OPRD1: variants seen among roughly 807,000 people sequenced by gnomAD.
OPRD1 encodes opioid receptor delta 1.
A neutral mutation model predicts 17.5 loss-of-function variants in OPRD1; 19 were observed. That is an observed-to-expected ratio of 1.09 (90% CI 0.76 to 1.60). The LOEUF is 1.60. OPRD1 is among the 40% of genes most tolerant of loss of function. The pLI, the probability that OPRD1 is intolerant of heterozygous loss-of-function variation, is 0.00. For missense variants in OPRD1, 483 were observed against 547.2 expected (o/e 0.88, Z 1.17); for synonymous variants, 256 against 240.9 (o/e 1.06, Z -0.58).
intron 1 of OPRD1, among the ~76,000 whole-genome samples, chr1:28,828,387 G>A (rs1223029091): frequency 1.3e-5 from 2 of 152,148 alleles, no homozygotes; most frequent in Non-Finnish European, 2.9e-5. Flanking sequence ...GTAAACAGAT[G>A]TGCTGTCATC....
chr1:28,864,757 C>A lies in OPRD1; in HGVS notation c.*1474C>A, dbSNP rs919098738. 1 of 108,504 alleles carries A rather than the reference C, an allele frequency of 9.2e-6. No individual in the cohort carries two copies. Among genetic ancestry groups the A allele is most frequent in the South Asian group, 3.0e-4 (1 of 3,342 alleles). The allele number at this position is 108,504 out of a possible 1,614,324, so 6.7% of individuals were successfully genotyped here. On this transcript the variant is annotated 3_prime_UTR_variant, in exon 3 of 3. Transcript: ENST00000234961. ...AAGTGGTGCCTGGGACTCTTGAGGG[C>A]GGGGGGCGGGGTATGAGAAGCATCA...
chr1:28,822,508 T>G (rs1400408385), intron 1 of OPRD1, among the ~76,000 whole-genome samples: 1 of 151,866 alleles, frequency 6.6e-6, no homozygotes, highest in Non-Finnish European at 1.5e-5. Flanking sequence ...TTAGACGGAG[T>G]CTCATTCTGT....
intron 2 of OPRD1, among the ~76,000 whole-genome samples, chr1:28,861,914 T>TTTC (rs2089125950): frequency 7.5e-6 from 1 of 133,798 alleles, no homozygotes. Flanking sequence ...TTTTCTTTTC[T>TTTC]TTTTTTTTTT....
In OPRD1 at chr1:28,862,772, C is replaced by G; in HGVS notation, c.608C>G (p.Pro203Arg). Residue 203 changes from proline to arginine, a missense_variant, in exon 3 of 3, where the codon CCC (proline) becomes CGC (arginine). By Grantham distance (103) the Pro-to-Arg change is moderately radical (BLOSUM62 -2). Coordinates refer to ENST00000234961, the MANE Select transcript of OPRD1 (RefSeq NM_000911.4). ...GCAGTGGTGTGCATGCTCCAGTTCC[C>G]CAGCCCCAGCTGGTACTGGGACACG... ...DGAVVCMLQF[P>R]SPSWYWDTVT... The G allele has an allele frequency of 6.2e-7, 1 of 1,612,392 alleles. No homozygotes were observed. Among genetic ancestry groups the G allele is most frequent in the East Asian group, 2.2e-5 (1 of 44,880 alleles).
intron 1 of OPRD1, among the ~76,000 whole-genome samples, chr1:28,835,349 G>T (rs1428144913): frequency 6.6e-6 from 1 of 152,194 alleles, no homozygotes; most frequent in Admixed American, 6.5e-5. Context: ...GTGTGACCTG[G>T]CTGGCCTCCC....
At chr1:28,838,033 C>G (rs1394150327) in intron 1 of OPRD1, among the ~76,000 whole-genome samples, 1 of 151,610 alleles carries the variant, frequency 6.6e-6, no homozygotes, top group Non-Finnish European at 1.5e-5. Flanking sequence ...GCAGCAATTT[C>G]ATAGGGTTTT....
At chr1:28,846,837 CTTTCTTTCT>C (rs747345956) in intron 1 of OPRD1, among the ~76,000 whole-genome samples, 2,420 of 74,298 alleles carry the variant, frequency 0.033, 50 homozygotes, top group Admixed American at 0.062. Context: ...TTCTTTCTTT[CTTTCTTTCT>C]TTTCTTTCTT....
chr1:28,852,837 G>A (rs1192691682), intron 1 of OPRD1, among the ~76,000 whole-genome samples: 2 of 151,908 alleles, frequency 1.3e-5, no homozygotes, highest in Non-Finnish European at 2.9e-5. Flanking sequence ...TCCTGCCTTG[G>A]CCTCCCGAGT....
At chr1:28,846,339 C>T (rs513269) in intron 1 of OPRD1, among the ~76,000 whole-genome samples, 64,342 of 151,864 alleles carry the variant, frequency 0.42, 15,341 homozygotes, top group East Asian at 0.87. Flanking sequence ...GACAGAAGCC[C>T]AAGATCAAGC....
intron 1 of OPRD1, among the ~76,000 whole-genome samples, chr1:28,827,711 C>T (rs900810656): frequency 6.6e-6 from 1 of 151,886 alleles, no homozygotes; most frequent in East Asian, 1.9e-4. Flanking sequence ...TTCTTTAAAA[C>T]TCCTGTCAAT....
At position 28,829,831 on chromosome 1, in the gene OPRD1, T is replaced by C. The variant is rs185840221; in HGVS notation, c.227+17221T>C. On this transcript the variant is annotated intron_variant, in intron 1 of 2. Coordinates refer to ENST00000234961, the MANE Select transcript of OPRD1 (RefSeq NM_000911.4). ...TTCAAGTGATCCTCTTTCCTCAGCC[T>C]CCGAAGTAGCTGGAACTACAGGTGC... Among the ~76,000 whole-genome samples the C allele has an allele frequency of 3.3e-5, 5 of 152,290 alleles. No individual in the cohort carries two copies. In the East Asian group the frequency reaches 9.6e-4, roughly 29 times the overall value.
chr1:28,836,244 G>A (rs752642050), intron 1 of OPRD1, among the ~76,000 whole-genome samples: 2 of 152,108 alleles, frequency 1.3e-5, no homozygotes, highest in Non-Finnish European at 2.9e-5. Flanking sequence ...AGCCAGGCGC[G>A]GTGGCTCACG....
rs1192676132 is a variant in OPRD1, at chr1:28,863,269, G to T, written c.1105G>T (p.Gly369Cys). Residue 369 changes from glycine to cysteine, a missense_variant, in exon 3 of 3, where the codon GGC becomes TGC. By Grantham distance (159) the Gly-to-Cys change is radical. Coordinates refer to ENST00000234961, the MANE Select transcript of OPRD1 (RefSeq NM_000911.4). ...ACTPSDGPGG[G>C]AAA Reference sequence around the variant, plus strand: ...CACCCCGTCCGATGGTCCCGGCGGTGGCGCTGCCGCCTGACCAGGCCATCC... The same window carrying T: ...CACCCCGTCCGATGGTCCCGGCGGTTGCGCTGCCGCCTGACCAGGCCATCC... The T allele has an allele frequency of 3.4e-6, 5 of 1,459,526 alleles. No individual in the cohort carries two copies. Among genetic ancestry groups the T allele is most frequent in the Non-Finnish European group, 4.5e-6 (5 of 1,117,058 alleles). 90.4% of individuals were successfully genotyped at this position (1,459,526 alleles called of 1,614,324 possible).
Position 28,869,374 on chromosome 1 carries a change from T to C in OPRD1, c.*6091T>C, listed in dbSNP as rs2089199187. 6.6e-6 allele frequency: 1 copy of C among 152,316 alleles called. No homozygotes were observed. Among genetic ancestry groups the C allele is most frequent in the Non-Finnish European group, 1.5e-5 (1 of 68,096 alleles). The allele number at this position is 152,316 out of a possible 1,614,324, so 9.4% of individuals were successfully genotyped here. A position where few individuals can be genotyped will look rare whatever the true frequency, so the allele number is the denominator to read the frequency against. ...GTGGACGTAGTGATGCAGTAGGGCATGGCACTGCGAGGTTGCCCGGGTTCT... is the reference window on the plus strand; with the variant it reads ...GTGGACGTAGTGATGCAGTAGGGCACGGCACTGCGAGGTTGCCCGGGTTCT... On this transcript the variant is annotated 3_prime_UTR_variant, in exon 3 of 3. Coordinates refer to ENST00000234961, the MANE Select transcript of OPRD1 (RefSeq NM_000911.4).
chr1:28,848,830 G>C (rs150392785), intron 1 of OPRD1, among the ~76,000 whole-genome samples: 6 of 152,278 alleles, frequency 3.9e-5, no homozygotes, highest in African/African-American at 1.2e-4. Flanking sequence ...CCTTCTCTAA[G>C]AGATGTCAAT....
chr1:28,834,599 C>T (rs1490616374), intron 1 of OPRD1, among the ~76,000 whole-genome samples: 2 of 151,314 alleles, frequency 1.3e-5, no homozygotes, highest in Non-Finnish European at 2.9e-5. Flanking sequence ...AGGCTGGTCT[C>T]GAACTCTTGA....
At chr1:28,823,190 CTT>C (rs773578102) in intron 1 of OPRD1, among the ~76,000 whole-genome samples, 215 of 101,868 alleles carry the variant, frequency 2.1e-3, no homozygotes, top group African/African-American at 8.5e-3. Context: ...CTTCTGTAGT[CTT>C]TTTTTTTTTT....
intron 1 of OPRD1, among the ~76,000 whole-genome samples, chr1:28,850,549 C>G (rs1220857682): frequency 6.6e-6 from 1 of 151,402 alleles, no homozygotes; most frequent in African/African-American, 2.4e-5. Context: ...TCTCCAACTC[C>G]TAACCTCAGG....
intron 1 of OPRD1, 95 bp from the exon 2 acceptor site, chr1:28,858,859 T>C: frequency 3.2e-6 from 4 of 1,246,146 alleles, no homozygotes; most frequent in Non-Finnish European, 4.6e-6. Flanking sequence ...CCTGACCTTT[T>C]GCATGTCCTT....
Sources: allele counts gnomAD v4.1 joint callset (sites outside exome capture counted in the v4.1 genomes callset), GRCh38; gene constraint gnomAD v4.1.1; transcripts MANE v1.5; gene names NCBI Gene and HGNC (gene_info 2026-07-23, HGNC 2026-07-21).